RFC3: variants seen among roughly 807,000 people sequenced by gnomAD.
RFC3 encodes the protein A1 38 kDa subunit.
RFC3 carries 41 observed loss-of-function variants against 45.1 expected under a neutral mutation model. The ratio of observed to expected loss-of-function variants is 0.91; its 90% confidence interval spans 0.71 to 1.18. RFC3 has a LOEUF of 1.18. Ranked by LOEUF, RFC3 falls within the 50% of genes most tolerant of loss-of-function variation. The pLI is 0.00. For missense variants in RFC3, 423 were observed against 428.1 expected, an observed-to-expected ratio of 0.99 and a Z score of 0.10; for synonymous variants, 149 against 144.0, an observed-to-expected ratio of 1.03 and a Z score of -0.25.
At chr13:33,886,403 G>A (rs977217570) in intron 8 of RFC3, among the ~76,000 whole-genome samples, 4 of 151,828 alleles carry the variant, frequency 2.6e-5, no homozygotes, top group Admixed American at 1.3e-4. Context: ...AAGATTAGCC[G>A]GTCGTGGTGG....
chr13:33,828,657 C>T (rs2082073812), intron 4 of RFC3, among the ~76,000 whole-genome samples: 1 of 152,156 alleles, frequency 6.6e-6, no homozygotes, highest in Non-Finnish European at 1.5e-5. Context: ...ACTTCAGTCT[C>T]CTGGGACTAC....
At chr13:33,907,281 A>G (rs2082677551) in intron 8 of RFC3, among the ~76,000 whole-genome samples, 1 of 152,120 alleles carries the variant, frequency 6.6e-6, no homozygotes, top group Non-Finnish European at 1.5e-5. Flanking sequence ...TTAGAAGTGG[A>G]AACAATTGAG....
At chr13:33,950,110 G>A (rs1258521671) in intron 8 of RFC3, among the ~76,000 whole-genome samples, 1 of 139,120 alleles carries the variant, frequency 7.2e-6, no homozygotes, top group Admixed American at 7.2e-5. Context: ...CACACACCCC[G>A]TTATGGTTTG....
intron 8 of RFC3, among the ~76,000 whole-genome samples, chr13:33,948,579 G>T (rs1280579982): frequency 6.6e-6 from 1 of 152,192 alleles, no homozygotes; most frequent in Non-Finnish European, 1.5e-5. Flanking sequence ...TGCCCTGCAT[G>T]CCTGGAAAAG....
chr13:33,851,444 T>C (rs1249896994), intron 8 of RFC3, among the ~76,000 whole-genome samples: 1 of 152,170 alleles, frequency 6.6e-6, no homozygotes, highest in East Asian at 1.9e-4. Context: ...TATATTACAT[T>C]CTTACCATAA....
At chr13:33,861,036 C>A (rs2082337816) in intron 8 of RFC3, among the ~76,000 whole-genome samples, 2 of 151,962 alleles carry the variant, frequency 1.3e-5, no homozygotes, top group Non-Finnish European at 2.9e-5. Context: ...GTAGCTGAGA[C>A]CACAGGCCAG....
chr13:33,834,296 G>A (rs868788708), intron 7 of RFC3, among the ~76,000 whole-genome samples: 472 of 43,776 alleles, frequency 0.011, 1 homozygote, highest in African/African-American at 0.045. Flanking sequence ...TCTGTACTGT[G>A]TGTATATATA....
At chr13:33,932,104 C>T (rs979409081) in intron 8 of RFC3, among the ~76,000 whole-genome samples, 1 of 152,076 alleles carries the variant, frequency 6.6e-6, no homozygotes, top group Non-Finnish European at 1.5e-5. Context: ...ATGAAACAGT[C>T]ATGAATAAAA....
chr13:33,954,048 A>G (rs956900566), intron 8 of RFC3, among the ~76,000 whole-genome samples: 5 of 152,212 alleles, frequency 3.3e-5, no homozygotes, highest in African/African-American at 1.2e-4. Context: ...GTATGGTGCT[A>G]AGAAAATAGT....
intron 8 of RFC3, among the ~76,000 whole-genome samples, chr13:33,960,177 G>A (rs1160960447): frequency 1.3e-5 from 2 of 152,118 alleles, no homozygotes; most frequent in African/African-American, 2.4e-5. Context: ...TGGGATCTGG[G>A]TGGAGACAAA....
chr13:33,927,524 G>C (rs2082821617), intron 8 of RFC3, among the ~76,000 whole-genome samples: 1 of 152,234 alleles, frequency 6.6e-6, no homozygotes, highest in East Asian at 1.9e-4. Flanking sequence ...TTTTGTTTAA[G>C]AGGCCAACTC....
intron 8 of RFC3, among the ~76,000 whole-genome samples, chr13:33,925,434 A>G (rs867878664): frequency 1.3e-4 from 18 of 141,932 alleles, no homozygotes; most frequent in Middle Eastern, 5.2e-3. Flanking sequence ...CTATATACAT[A>G]CATACATAGT....
At chr13:33,882,710 C>T (rs1196871968) in intron 8 of RFC3, among the ~76,000 whole-genome samples, 1 of 152,138 alleles carries the variant, frequency 6.6e-6, no homozygotes, top group Non-Finnish European at 1.5e-5. Flanking sequence ...TTTGTTAAAG[C>T]AGCCCTAAGA....
chr13:33,943,276 G>A (rs1333994909), intron 8 of RFC3, among the ~76,000 whole-genome samples: 5 of 151,994 alleles, frequency 3.3e-5, no homozygotes, highest in Admixed American at 2.0e-4. Flanking sequence ...TCATAACACG[G>A]CATAAGGTAT....
At chr13:33,925,265 A>G (rs1319195059) in intron 8 of RFC3, among the ~76,000 whole-genome samples, 4 of 56,760 alleles carry the variant, frequency 7.0e-5, no homozygotes, top group African/African-American at 3.2e-4. Context: ...CATATAGTGT[A>G]CTATATACAT....
downstream of RFC3, among the ~76,000 whole-genome samples, chr13:33,971,187 T>G (rs1003053421): frequency 9.9e-5 from 15 of 152,224 alleles, no homozygotes; most frequent in African/African-American, 1.4e-4. Context: ...CCAGCTGAAC[T>G]CTCTTTTGCG....
intron 8 of RFC3, among the ~76,000 whole-genome samples, chr13:33,917,855 TA>T (rs200649997): frequency 6.6e-6 from 1 of 151,210 alleles, no homozygotes; most frequent in Non-Finnish European, 1.5e-5. Context: ...GAATTTTGTT[TA>T]AAAAAAAACA....
At chr13:33,894,118 A>G (rs957285493) in intron 8 of RFC3, among the ~76,000 whole-genome samples, 1 of 152,190 alleles carries the variant, frequency 6.6e-6, no homozygotes, top group Admixed American at 6.5e-5. Flanking sequence ...GGAACAAACC[A>G]CAGACCCTTT....
At chr13:33,879,720 CA>C (rs1429513574) in intron 8 of RFC3, among the ~76,000 whole-genome samples, 1 of 152,164 alleles carries the variant, frequency 6.6e-6, no homozygotes, top group East Asian at 1.9e-4. Context: ...AACAAATTAC[CA>C]ACAAACTTAG....
Sources: gnomAD v4.1 joint callset for allele counts (sites outside exome capture counted in the v4.1 genomes callset) on GRCh38, gnomAD v4.1.1 for gene constraint, MANE v1.5 for transcripts, NCBI Gene and HGNC (gene_info 2026-07-23, HGNC 2026-07-21) for gene names.